The following DST variants were observed in gnomAD, a reference collection of about 807,000 sequenced individuals.
DST encodes dystonin.
Under a neutral mutation model 875.2 loss-of-function variants are expected in DST, and 253 were observed. The ratio of observed to expected loss-of-function variants is 0.29; its 90% CI spans 0.26 to 0.32. The LOEUF is 0.32. DST is among the 10% of genes least tolerant of loss of function. DST has a pLI of 1.00. For missense variants in DST, 8,287 were observed against 9,111.6 expected (o/e 0.91, Z 3.68); for synonymous variants, 3,124 against 3,197.1 (o/e 0.98, Z 0.77).
Position 56,459,101 on chromosome 6 carries a change from T to C in DST, c.23361A>G (p.Arg7787=), listed in dbSNP as rs2094190914. Residue 7787 remains arginine (R), a synonymous_variant, in exon 104 of 104, where the codon CGA becomes CGG. Coordinates refer to ENST00000680361, the MANE Select transcript of DST (RefSeq NM_001374736.1). ...TCGCTGTGGATGGCCGAGAACCTGC[T>C]CGGGGTGTAGGTCTGTGTGTCTGGG... The part of the protein sequence containing the change: ...TVPQTHRPTP[R]AGSRPSTAKP... 17 of 1,613,846 alleles carry C rather than the reference T, an allele frequency of 1.1e-5. No individual in the cohort carries two copies. Among genetic ancestry groups the C allele is most frequent in the African/African-American group, 2.7e-5 (2 of 74,920 alleles).
Position 56,584,805 on chromosome 6 carries a change from G to C in DST, c.12904-5868C>G, listed in dbSNP as rs562604746. Among the ~76,000 whole-genome samples, 88 of 149,808 alleles carry C rather than the reference G, an allele frequency of 5.9e-4. 1 individual carries two copies. Among genetic ancestry groups the C allele is most frequent in the South Asian group, 5.5e-3 (26 of 4,720 alleles). ...TTTATTGACAGTTTTTAGCATGAAG[G>C]GTTGTTGAATTTTGTCAAAGGCCTT... On this transcript the variant is annotated intron_variant, in intron 49 of 103. Transcript: ENST00000680361.
chr6:56,678,863 C>A (rs940876230), intron 9 of DST, among the ~76,000 whole-genome samples: 1 of 152,172 alleles, frequency 6.6e-6, no homozygotes, highest in Non-Finnish European at 1.5e-5. Context: ...CTTTCCCTTC[C>A]CACAAATTGC....
chr6:56,513,326 G>A (rs896799839), intron 72 of DST, among the ~76,000 whole-genome samples: 4 of 151,936 alleles, frequency 2.6e-5, no homozygotes, highest in African/African-American at 9.7e-5. Flanking sequence ...CGCCTCCCAG[G>A]TTCAAGTGAT....
Position 56,954,596 on chromosome 6 carries a change from C to A in DST, c.-9G>T, listed in dbSNP as rs776138750. 11 of 1,345,914 alleles carry A rather than the reference C, an allele frequency of 8.2e-6. No homozygotes were observed. The African/African-American group carries it at 1.7e-4, about 20-fold the overall frequency. 83.4% of individuals were successfully genotyped at this position (1,345,914 alleles called of 1,614,324 possible). A position where few individuals can be genotyped will look rare whatever the true frequency, so the allele number is the denominator to read the frequency against. On this transcript the variant is annotated 5_prime_UTR_variant, in exon 1 of 104. Coordinates refer to ENST00000680361, the MANE Select transcript of DST (RefSeq NM_001374736.1). ...AAAGCCGCGGCGATCATGGTGCGGG[C>A]GAGGCGAGGGCGACTCGACGGCGGG...
At position 56,843,381 on chromosome 6, in the gene DST, C is replaced by G. The variant is rs1025245124; in HGVS notation, c.625+8016G>C. The G allele has an allele frequency of 2.2e-5, 25 of 1,154,636 alleles. No individual in the cohort carries two copies. The African/African-American group carries it at 3.5e-4, about 16-fold the overall frequency. 71.5% of individuals were successfully genotyped at this position (1,154,636 alleles called of 1,614,324 possible). A position where few individuals can be genotyped will look rare whatever the true frequency, so the allele number is the denominator to read the frequency against. ...CAGGCCGATGGTGGGCCGCCCGGCT[C>G]CGGGAGCCCGAGTCCCTCTCGGGTT... On this transcript the variant is annotated intron_variant, in intron 4 of 103. Transcript: ENST00000680361.
chr6:56,938,981 T>A (rs1814799166), intron 2 of DST, among the ~76,000 whole-genome samples: 1 of 152,252 alleles, frequency 6.6e-6, no homozygotes, highest in South Asian at 2.1e-4. Flanking sequence ...AAATGATTAA[T>A]GTCTAAGTTA....
chr6:56,829,941 A>T (rs1354594711), intron 4 of DST, among the ~76,000 whole-genome samples: 1 of 152,154 alleles, frequency 6.6e-6, no homozygotes, highest in Non-Finnish European at 1.5e-5. Flanking sequence ...CAGTACTAGT[A>T]GTTGCTTCCT....
intron 2 of DST, among the ~76,000 whole-genome samples, chr6:56,932,102 C>T (rs1387598388): frequency 6.6e-6 from 1 of 152,058 alleles, no homozygotes; most frequent in Non-Finnish European, 1.5e-5. Context: ...AATTGTACTC[C>T]CATAATTCCC....
chr6:56,900,589 T>C lies in DST; in HGVS notation c.249A>G (p.Arg83=). 1 of 1,367,618 alleles carries C rather than the reference T, an allele frequency of 7.3e-7. No individual in the cohort carries two copies. The highest frequency in any genetic ancestry group is 9.8e-7 in the Non-Finnish European group (1 of 1,021,830). 84.7% of individuals were successfully genotyped at this position (1,367,618 alleles called of 1,614,324 possible). Residue 83 remains arginine (R), a synonymous_variant, in exon 3 of 104, where the codon AGA becomes AGG. Transcript: ENST00000680361. ...GFRASPRHLR[R]RVAAAAAARL... ...GGGCAGCTGCGGCCGCTGCAACTCGTCTTCTAAGATGCCGAGGGCTTGCTC... is the reference window on the plus strand; with the variant it reads ...GGGCAGCTGCGGCCGCTGCAACTCGCCTTCTAAGATGCCGAGGGCTTGCTC...
intron 4 of DST, among the ~76,000 whole-genome samples, chr6:56,813,112 T>C (rs569318522): frequency 1.8e-4 from 28 of 151,772 alleles, no homozygotes; most frequent in Admixed American, 7.2e-4. Flanking sequence ...GAAATCATCA[T>C]TCTCAGTAAA....
At chr6:56,692,248 T>C (rs182281027) in intron 9 of DST, 120 of 392,652 alleles carry the variant, frequency 3.1e-4, no homozygotes, top group Non-Finnish European at 4.8e-5. Context: ...CTGAGGCTAC[T>C]AACAAAACGC....
At chr6:56,852,135 C>G in intron 3 of DST, 1 of 912,724 alleles carries the variant, frequency 1.1e-6, no homozygotes, top group Non-Finnish European at 1.3e-6. Context: ...CAGTTTTAAG[C>G]CCCTGTCCTC....
chr6:56,867,596 C>T (rs535303306), intron 3 of DST, among the ~76,000 whole-genome samples: 5 of 152,226 alleles, frequency 3.3e-5, no homozygotes, highest in African/African-American at 9.6e-5. Context: ...CCAAGGTGGG[C>T]GGATCACGAG....
chr6:56,811,551 T>G (rs1285737970), intron 4 of DST, among the ~76,000 whole-genome samples: 1 of 152,162 alleles, frequency 6.6e-6, no homozygotes, highest in East Asian at 1.9e-4. Context: ...CATTTGTAAA[T>G]TGGATACTAT....
chr6:56,940,988 T>C lies in DST; in HGVS notation c.216+12797A>G, dbSNP rs561430965. On this transcript the variant is annotated intron_variant, in intron 2 of 103. Transcript: ENST00000680361. ...AGTCTAGCTACAAGTTTATAAACTTTGTTCATCTAAGAGTCTAATTTGGTT... is the reference window on the plus strand; with the variant it reads ...AGTCTAGCTACAAGTTTATAAACTTCGTTCATCTAAGAGTCTAATTTGGTT... 7.2e-5 allele frequency among the ~76,000 whole-genome samples: 11 copies of C among 152,306 alleles called. No individual in the cohort carries two copies. The South Asian group carries it at 1.9e-3, about 26-fold the overall frequency.
chr6:56,517,056 G>GA (rs2096607729), intron 71 of DST, 142 bp downstream of exon 71: 1 of 678,076 alleles, frequency 1.5e-6, no homozygotes, highest in Non-Finnish European at 2.6e-6. Context: ...CTATAAACTT[G>GA]AAAAATGCCT....
At chr6:56,851,989 T>C in intron 3 of DST, 2 of 1,447,772 alleles carry the variant, frequency 1.4e-6, no homozygotes. Flanking sequence ...GTAGAAATAT[T>C]TTCCATTACT....
intron 80 of DST, among the ~76,000 whole-genome samples, chr6:56,499,179 T>C (rs111273041): frequency 1.6e-3 from 236 of 152,130 alleles, no homozygotes; most frequent in Middle Eastern, 3.4e-3. Context: ...TTGGCAATAG[T>C]AAAGAAAAAG....
intron 92 of DST, among the ~76,000 whole-genome samples, chr6:56,475,920 T>C (rs2095165418): frequency 6.6e-6 from 1 of 151,884 alleles, no homozygotes; most frequent in South Asian, 2.1e-4. Flanking sequence ...ATACCACGAG[T>C]GTAACCCCAC....
Sources: allele counts gnomAD v4.1 joint callset (sites outside exome capture counted in the v4.1 genomes callset), GRCh38; gene constraint gnomAD v4.1.1; transcripts MANE v1.5; gene names NCBI Gene and HGNC (gene_info 2026-07-23, HGNC 2026-07-21).